DST: variants seen among roughly 807,000 people sequenced by gnomAD.
DST encodes the protein dystonin, also known as bullous pemphigoid antigen.
Under a neutral mutation model 875.2 loss-of-function variants are expected in DST, and 253 were observed. The observed-to-expected ratio is 0.29, with a 90% CI of 0.26 to 0.32. The LOEUF is 0.32. DST is among the 10% of genes least tolerant of loss of function. The pLI is 1.00. For missense variants in DST, 8,287 were observed against 9,111.6 expected, an observed-to-expected ratio of 0.91 and a Z score of 3.68; for synonymous variants, 3,124 against 3,197.1, an observed-to-expected ratio of 0.98 and a Z score of 0.77.
chr6:56,900,696 A>AC (rs1793643619), intron 2 of DST, 75 bp from the exon 3 acceptor site: 1 of 1,155,984 alleles, frequency 8.7e-7, no homozygotes, highest in South Asian at 1.3e-5. Context: ...GGCTAGTTAT[A>AC]CAAAGAGCTC....
In DST at chr6:56,605,239, CT is replaced by C; in HGVS notation, c.9388del (p.Ser3130ValfsTer55). On this transcript the variant is annotated frameshift_variant, in exon 40 of 104. Coordinates refer to ENST00000680361, the MANE Select transcript of DST (RefSeq NM_001374736.1). LOFTEE classifies it high-confidence loss of function. ...TTCAAGATTCTCAAACTGAACAGGA[CT>C]TTTACTAACTATTATTTGTAGATTA... ...PNNLQIIVSK[S>X]PVQFENLEEI... The C allele has an allele frequency of 6.2e-7, 1 of 1,610,974 alleles. No individual in the cohort carries two copies. Among genetic ancestry groups the C allele is most frequent in the East Asian group, 2.2e-5 (1 of 44,740 alleles).
Position 56,606,645 on chromosome 6 carries a change from G to A in DST, c.7983C>T (p.Val2661=), listed in dbSNP as rs532874406. The change falls in exon 40 of 104, where the codon GTC becomes GTT. Residue 2661 remains valine (V), a synonymous_variant. Transcript: ENST00000680361. ...CCATGGAATTTTCATTCTCTTTTGA[G>A]ACATCATAAAAAACATCAGCAGGAG... ...TASPADVFYD[V]SKENENSMVP... 5.6e-6 allele frequency: 9 copies of A among 1,613,508 alleles called. No homozygotes were observed. The South Asian group carries it at 8.8e-5, about 16-fold the overall frequency.
chr6:56,771,666 A>C (rs1404792658), intron 4 of DST, among the ~76,000 whole-genome samples: 1 of 152,210 alleles, frequency 6.6e-6, no homozygotes. Flanking sequence ...TGAATACAAA[A>C]TGCACACATG....
Position 56,586,371 on chromosome 6 carries a change from G to T in DST, c.12903+5811C>A, listed in dbSNP as rs796094978. ...TGTAATGGCCTTCTTTGTCTCTTTT[G>T]ATCTTTGTTGGTTTAAAGTCTGTTT... On this transcript the variant is annotated intron_variant, in intron 49 of 103. Transcript: ENST00000680361. Among the ~76,000 whole-genome samples the T allele has an allele frequency of 4.6e-5, 7 of 151,350 alleles. No homozygotes were observed. In the East Asian group the frequency reaches 1.2e-3, roughly 25 times the overall value.
At position 56,606,453 on chromosome 6, in the gene DST, T is replaced by G. The variant is rs572438579; in HGVS notation, c.8175A>C (p.Ser2725=). Residue 2725 remains serine, a synonymous_variant, in exon 40 of 104, where the codon TCA becomes TCC. Transcript: ENST00000680361. ...KVNGQSLETG[S]ERECTNILEG... is the part of the protein sequence containing the mutation. ...CAAGGATATTTGTGCATTCCCTTTC[T>G]GATCCAGTTTCCAGTGACTGTCCAT... 33 of 1,613,394 alleles carry G rather than the reference T, an allele frequency of 2.0e-5. No individual in the cohort carries two copies. In the African/African-American group the frequency reaches 4.0e-4, roughly 20 times the overall value.
chr6:56,749,074 A>G (rs1223873835), intron 4 of DST, among the ~76,000 whole-genome samples: 1 of 152,190 alleles, frequency 6.6e-6, no homozygotes, highest in East Asian at 1.9e-4. Context: ...AAGGTCAAAA[A>G]TAAGAGCTTG....
intron 54 of DST, among the ~76,000 whole-genome samples, chr6:56,569,030 A>AAC (rs1330012564): frequency 2.0e-5 from 3 of 152,144 alleles, no homozygotes; most frequent in African/African-American, 7.2e-5. Flanking sequence ...TACTTTTAAA[A>AAC]ACACACACAC....
In DST at chr6:56,846,980, G is replaced by C. The variant is rs183819347; in HGVS notation, c.625+4417C>G. On this transcript the variant is annotated intron_variant, in intron 4 of 103. Coordinates refer to ENST00000680361, the MANE Select transcript of DST (RefSeq NM_001374736.1). Reference sequence around the variant, plus strand: ...ATCACACCACTGCAATCCAGCTTGAGAAAGAGAGGAAGACCCTGTCTCAAA... The same window carrying C: ...ATCACACCACTGCAATCCAGCTTGACAAAGAGAGGAAGACCCTGTCTCAAA... Among the ~76,000 whole-genome samples, 746 of 108,504 alleles carry C rather than the reference G, an allele frequency of 6.9e-3. 6 individuals carry two copies. Among genetic ancestry groups the C allele is most frequent in the African/African-American group, 0.026 (706 of 27,610 alleles). 71.2% of individuals were successfully genotyped at this position (108,504 alleles called of 152,430 possible). A position where few individuals can be genotyped will look rare whatever the true frequency, so the allele number is the denominator to read the frequency against.
chr6:56,635,908 A>G (rs1028566925), intron 23 of DST, among the ~76,000 whole-genome samples, 194 bp from the exon 24 acceptor site: 7 of 152,212 alleles, frequency 4.6e-5, no homozygotes, highest in Admixed American at 1.3e-4. Context: ...ATGAATGAAC[A>G]TACTAAGTGT....
chr6:56,517,966 C>T (rs2096627648), intron 69 of DST, among the ~76,000 whole-genome samples: 1 of 152,098 alleles, frequency 6.6e-6, no homozygotes, highest in African/African-American at 2.4e-5. Context: ...CAGGTACCAT[C>T]TTTTAATCAT....
At chr6:56,783,451 T>C (rs995120925) in intron 4 of DST, among the ~76,000 whole-genome samples, 79 of 152,286 alleles carry the variant, frequency 5.2e-4, no homozygotes, top group Non-Finnish European at 8.7e-4. Flanking sequence ...GCTCTTCTTG[T>C]TGAATTGATC....
intron 3 of DST, among the ~76,000 whole-genome samples, chr6:56,890,243 A>G (rs1228465750): frequency 1.3e-5 from 2 of 152,240 alleles, no homozygotes; most frequent in Non-Finnish European, 1.5e-5. Context: ...AAAATGAGAG[A>G]AAAACAGAGA....
At chr6:56,891,136 C>G (rs1787188253) in intron 3 of DST, among the ~76,000 whole-genome samples, 1 of 152,204 alleles carries the variant, frequency 6.6e-6, no homozygotes. Flanking sequence ...AGGGAAATGT[C>G]GGCAGAGGCC....
chr6:56,746,166 G>T (rs994298890), intron 4 of DST, among the ~76,000 whole-genome samples: 1 of 151,830 alleles, frequency 6.6e-6, no homozygotes, highest in Non-Finnish European at 1.5e-5. Context: ...AAAATTTTTT[G>T]TAGAGATAGG....
rs562104773 is a variant in DST at position 56,482,194 on chromosome 6, C to T, written c.21403-16G>A. The stretch of plus-strand genomic sequence containing the variant: ...ATTCCTCTGCCTAAGAGTTCACACA[C>T]ACACACACCCCAAACAAAATTCCCA... On this transcript the variant is annotated splice_polypyrimidine_tract_variant and intron_variant, in intron 89 of 103. Coordinates refer to ENST00000680361, the MANE Select transcript of DST (RefSeq NM_001374736.1). 3.7e-6 allele frequency: 6 copies of T among 1,603,594 alleles called. No individual in the cohort carries two copies. Among genetic ancestry groups the T allele is most frequent in the Middle Eastern group, 1.7e-4 (1 of 6,022 alleles).
At chr6:56,897,615 G>A (rs1031434284) in intron 3 of DST, among the ~76,000 whole-genome samples, 1 of 152,124 alleles carries the variant, frequency 6.6e-6, no homozygotes, top group Non-Finnish European at 1.5e-5. Context: ...ACAGGAGTGA[G>A]CCACCATGCT....
intron 4 of DST, chr6:56,843,285 G>A (rs558474878): frequency 2.4e-6 from 3 of 1,247,684 alleles, no homozygotes; most frequent in Middle Eastern, 2.1e-4. Context: ...CACGGAAGCC[G>A]AAGACGCAGA....
chr6:56,480,370 A>C (rs980394816), intron 90 of DST, among the ~76,000 whole-genome samples: 1 of 152,164 alleles, frequency 6.6e-6, no homozygotes, highest in Non-Finnish European at 1.5e-5. Context: ...ACTTTCAATC[A>C]CTTCTACACC....
Position 56,745,975 on chromosome 6 carries a change from C to CTTTTTTA in DST, c.626-10693_626-10687dup, listed in dbSNP as rs1249845666. Among the ~76,000 whole-genome samples the CTTTTTTA allele has an allele frequency of 2.0e-4, 31 of 152,086 alleles. 1 individual carries two copies. In the East Asian group the frequency reaches 5.8e-3, roughly 28 times the overall value. On this transcript the variant is annotated intron_variant, in intron 4 of 103. Coordinates refer to ENST00000680361, the MANE Select transcript of DST (RefSeq NM_001374736.1). Reference sequence around the variant, plus strand: ...ATGTGGGTGTGTAAAATGGCAGAGACTTTTTTATTTTTTATTTTTTTTAAC... The same window carrying CTTTTTTA: ...ATGTGGGTGTGTAAAATGGCAGAGACTTTTTTATTTTTTATTTTTTATTTTTTTTAAC...
Sources: allele counts gnomAD v4.1 joint callset (sites outside exome capture counted in the v4.1 genomes callset), GRCh38; gene constraint gnomAD v4.1.1; transcripts MANE v1.5; gene names NCBI Gene and HGNC (gene_info 2026-07-23, HGNC 2026-07-21).